CSTL1: variants seen among roughly 807,000 people sequenced by gnomAD.
CSTL1 encodes cystatin like 1.
Under a neutral mutation model 14.4 loss-of-function variants are expected in CSTL1, and 14 were observed. The observed-to-expected ratio is 0.97, with a 90% CI of 0.64 to 1.52. The LOEUF (loss-of-function observed/expected upper bound fraction) is 1.52. Among genes scored for constraint, CSTL1 ranks in the 40% most tolerant of loss-of-function variants. CSTL1 has a pLI of 0.00. For missense variants in CSTL1, 170 were observed against 168.7 expected (o/e 1.01, Z -0.04); for synonymous variants, 72 against 67.5 (o/e 1.07, Z -0.33).
At chr20:23,451,020 C>T in the CSTL1 span, among the ~76,000 whole-genome samples, 1 of 151,716 alleles carries the variant, frequency 6.6e-6, no homozygotes, top group Non-Finnish European at 1.5e-5. Flanking sequence ...ATTTATCCTT[C>T]AGTCCATCCC....
chr20:23,451,957 C>G, the CSTL1 span: 1 of 1,495,920 alleles, frequency 6.7e-7, no homozygotes, highest in Non-Finnish European at 9.3e-7. Context: ...ACAGCTTGTC[C>G]CCTTCTCCCC....
In CSTL1 at chr20:23,444,000, A is replaced by G; in HGVS notation, c.286A>G (p.Thr96Ala). The G allele has an allele frequency of 6.2e-7, 1 of 1,614,204 alleles. No homozygotes were observed. The highest frequency in any genetic ancestry group is 8.5e-7 in the Non-Finnish European group (1 of 1,179,998). Reference protein sequence around the residue: ...IGWTKCKRNDTSNSSCPLQSK... With the variant: ...IGWTKCKRNDASNSSCPLQSK... The stretch of plus-strand genomic sequence containing the variant: ...CTGGACCAAATGCAAGAGGAATGAC[A>G]CGAGCAATTCTTCCTGCCCCCTGCA... Residue 96 changes from threonine (T) to alanine (A), a missense_variant, in exon 3 of 4, where the codon ACG becomes GCG. Coordinates refer to ENST00000347397, the MANE Select transcript of CSTL1 (RefSeq NM_138283.1).
chr20:23,449,416 G>C (rs910083208), downstream of CSTL1, among the ~76,000 whole-genome samples: 2 of 152,128 alleles, frequency 1.3e-5, no homozygotes, highest in Non-Finnish European at 2.9e-5. Flanking sequence ...GTGTATGTGT[G>C]TGTGTATATG....
downstream of CSTL1, among the ~76,000 whole-genome samples, chr20:23,445,855 G>A (rs938313443): frequency 1.1e-4 from 17 of 152,018 alleles, no homozygotes; most frequent in African/African-American, 4.1e-4. Context: ...GGGACACAGG[G>A]CAAAACCAGC....
the CSTL1 span, among the ~76,000 whole-genome samples, chr20:23,457,119 C>T: frequency 6.6e-6 from 1 of 152,186 alleles, no homozygotes; most frequent in East Asian, 1.9e-4. Flanking sequence ...TTGCTCTTGT[C>T]TCGGCCAGGA....
chr20:23,444,134 G>T, intron 3 of CSTL1, 90 bp downstream of exon 3: 3 of 1,155,944 alleles, frequency 2.6e-6, no homozygotes, highest in Non-Finnish European at 3.8e-6. Flanking sequence ...CACTTGTGTG[G>T]ATTGGGGCCA....
the CSTL1 span, chr20:23,452,629 G>A: frequency 6.2e-7 from 1 of 1,613,926 alleles, no homozygotes; most frequent in Non-Finnish European, 8.5e-7. Flanking sequence ...AGTGGTACTT[G>A]TCATCACTTT....
chr20:23,453,020 G>A, the CSTL1 span, among the ~76,000 whole-genome samples: 2 of 152,102 alleles, frequency 1.3e-5, no homozygotes, highest in Admixed American at 6.6e-5. Flanking sequence ...ATAAGTTCAT[G>A]CCACACACAC....
downstream of CSTL1, among the ~76,000 whole-genome samples, chr20:23,446,535 C>T (rs1210961695): frequency 6.6e-6 from 1 of 152,030 alleles, no homozygotes; most frequent in African/African-American, 2.4e-5. Context: ...GGATGACAAG[C>T]GTGAGCCACT....
At chr20:23,450,468 C>T in the CSTL1 span, 1 of 1,376,142 alleles carries the variant, frequency 7.3e-7, no homozygotes, top group Non-Finnish European at 1.0e-6. Flanking sequence ...GCAGGATTCT[C>T]TCACATGCAG....
At chr20:23,448,396 C>T (rs559395854), downstream of CSTL1, among the ~76,000 whole-genome samples, 30 of 152,232 alleles carry the variant, frequency 2.0e-4, no homozygotes, top group Admixed American at 1.6e-3. Context: ...CAGAGCTCTC[C>T]GGCGATGGAG....
chr20:23,456,558 T>C, the CSTL1 span, among the ~76,000 whole-genome samples: 4 of 152,180 alleles, frequency 2.6e-5, no homozygotes, highest in African/African-American at 9.7e-5. Flanking sequence ...GGTCCCTTCC[T>C]GCCTCTGCCC....
the CSTL1 span, among the ~76,000 whole-genome samples, chr20:23,461,176 G>T: frequency 6.6e-6 from 1 of 152,136 alleles, no homozygotes; most frequent in African/African-American, 2.4e-5. Context: ...CAGATTGTTA[G>T]CATTTTTAGC....
downstream of CSTL1, among the ~76,000 whole-genome samples, chr20:23,445,609 ATT>A (rs975154036): frequency 2.0e-5 from 3 of 152,116 alleles, no homozygotes; most frequent in Non-Finnish European, 4.4e-5. Flanking sequence ...AAACCTCATC[ATT>A]CTTTCTACGC....
downstream of CSTL1, among the ~76,000 whole-genome samples, chr20:23,447,471 T>C (rs73090671): frequency 2.7e-4 from 40 of 150,686 alleles, no homozygotes; most frequent in South Asian, 4.2e-4. Context: ...CTTTTTCTTT[T>C]TTTTTTTTTT....
chr20:23,454,709 G>A, the CSTL1 span, among the ~76,000 whole-genome samples: 1 of 152,252 alleles, frequency 6.6e-6, no homozygotes, highest in Admixed American at 6.5e-5. Context: ...GTTGGGCCTA[G>A]TGTGAGGTCT....
At chr20:23,458,864 C>T in the CSTL1 span, among the ~76,000 whole-genome samples, 3 of 152,120 alleles carry the variant, frequency 2.0e-5, no homozygotes, top group Admixed American at 2.0e-4. Flanking sequence ...TCCTCACCTT[C>T]CCTAGACCAT....
chr20:23,442,901 G>A lies in CSTL1; in HGVS notation c.220-1033G>A, dbSNP rs538240096. 2.0e-3 allele frequency among the ~76,000 whole-genome samples: 297 copies of A among 152,304 alleles called. 1 individual carries two copies. The highest frequency in any genetic ancestry group is 6.9e-3 in the African/African-American group (288 of 41,574). On this transcript the variant is annotated intron_variant, in intron 2 of 3. Transcript: ENST00000347397. ...TACTCAGGAATCCAGCTCAGAACCCGACAGGGAACCGTAACCCCCAAGCTC... is the reference window on the plus strand; with the variant it reads ...TACTCAGGAATCCAGCTCAGAACCCAACAGGGAACCGTAACCCCCAAGCTC...
At chr20:23,452,384 T>C in the CSTL1 span, among the ~76,000 whole-genome samples, 2 of 152,198 alleles carry the variant, frequency 1.3e-5, no homozygotes, top group African/African-American at 2.4e-5. Context: ...CCTTGGGATG[T>C]AATGTGCTGA....
Sources: gnomAD v4.1 joint callset for allele counts (sites outside exome capture counted in the v4.1 genomes callset) on GRCh38, gnomAD v4.1.1 for gene constraint, MANE v1.5 for transcripts, NCBI Gene and HGNC (gene_info 2026-07-23, HGNC 2026-07-21) for gene names.